FAM199X: variants seen among roughly 807,000 people sequenced by gnomAD.
The protein encoded by FAM199X is family with sequence similarity 199, X-linked.
In FAM199X, 4 loss-of-function variants were observed where a neutral mutation model predicts 22.9. That is an observed-to-expected ratio of 0.17 (90% CI 0.09 to 0.40). The LOEUF is 0.40. Among genes scored for constraint, FAM199X ranks in the 10% least tolerant of loss-of-function variants. The pLI is 1.00. For synonymous variants in FAM199X, 101 were observed against 112.3 expected (o/e 0.90, Z 0.64); for missense variants, 183 against 306.8 (o/e 0.60, Z 3.01).
At chrX:104,184,298 C>T (rs920199710) in intron 2 of FAM199X, among the ~76,000 whole-genome samples, 1 of 111,781 alleles carries the variant, frequency 8.9e-6, no homozygotes, top group East Asian at 2.8e-4. Flanking sequence ...TTTTGGTAAC[C>T]GCAGAAGCCT....
chrX:104,179,618 C>T (rs181318433), intron 2 of FAM199X, among the ~76,000 whole-genome samples: 121 of 111,124 alleles, frequency 1.1e-3, no homozygotes, highest in African/African-American at 3.8e-3. Context: ...TTCTTTTTTC[C>T]TAATCTGGAT....
chrX:104,170,093 T>G (rs1315190293), intron 1 of FAM199X, among the ~76,000 whole-genome samples: 1 of 112,639 alleles, frequency 8.9e-6, no homozygotes, highest in Non-Finnish European at 1.9e-5. Flanking sequence ...ATGTAGTGTT[T>G]AAGACATTTT....
At chrX:104,182,762 T>C (rs932291813) in intron 2 of FAM199X, among the ~76,000 whole-genome samples, 1 of 111,767 alleles carries the variant, frequency 8.9e-6, no homozygotes, top group Non-Finnish European at 1.9e-5. Context: ...TGAGGGATTG[T>C]GCTGCTTTTT....
chrX:104,186,117 C>G lies in FAM199X; in HGVS notation c.469C>G (p.Pro157Ala). 1 of 1,209,742 alleles carries G rather than the reference C, an allele frequency of 8.3e-7. No homozygotes were observed. The highest frequency in any genetic ancestry group is 1.1e-6 in the Non-Finnish European group (1 of 893,899). The change falls in exon 3 of 6, where the codon CCC becomes GCC. Residue 157 changes from proline to alanine, a missense_variant. Transcript: ENST00000493442. Reference protein sequence around the residue: ...SGSDVLSDVIPSIPSSPCLLP... With the variant: ...SGSDVLSDVIASIPSSPCLLP... ...GAGTGATGTACTTTCTGATGTCATA[C>G]CCAGTATTCCAAGTTCACCTTGCCT...
In FAM199X at chrX:104,188,075, A is replaced by G. The variant is rs1227928168; in HGVS notation, c.765A>G (p.Gln255=). Residue 255 remains glutamine (Q), a synonymous_variant, in exon 5 of 6, where the codon CAA becomes CAG. Transcript: ENST00000493442. The part of the protein sequence containing the change: ...RNYIKEHSPR[Q]RPAREAWKRS... ...ATATCAAGGAACATAGCCCTCGCCAACGGCCTGCAAGAGAGGCCTGGAAGA... is the reference window on the plus strand; with the variant it reads ...ATATCAAGGAACATAGCCCTCGCCAGCGGCCTGCAAGAGAGGCCTGGAAGA... 14 of 1,210,285 alleles carry G rather than the reference A, an allele frequency of 1.2e-5. No homozygotes were observed. Among genetic ancestry groups the G allele is most frequent in the Non-Finnish European group, 1.6e-5 (14 of 895,333 alleles).
chrX:104,168,737 C>T, intron 1 of FAM199X, among the ~76,000 whole-genome samples: 2 of 110,625 alleles, frequency 1.8e-5, no homozygotes, highest in Non-Finnish European at 3.8e-5. Context: ...TCCTCCTCCC[C>T]GTTTTTTCCT....
upstream of FAM199X, among the ~76,000 whole-genome samples, chrX:104,162,301 T>C (rs1921061093): frequency 8.9e-6 from 1 of 111,911 alleles, no homozygotes; most frequent in African/African-American, 3.3e-5. Flanking sequence ...CATGGCTGTT[T>C]GGCTCTCTAT....
rs1921999914 is a variant in FAM199X at position 104,193,957 on chromosome X, G to A, written c.*4179G>A. 1 of 111,574 alleles carries A rather than the reference G, an allele frequency of 9.0e-6. No homozygotes were observed. The highest frequency in any genetic ancestry group is 1.9e-5 in the Non-Finnish European group (1 of 52,934). 9.2% of individuals were successfully genotyped at this position (111,574 alleles called of 1,213,427 possible). ...TAAGTTACTTATTCCAGAAGCCTTA[G>A]AAGGAATTCTGAAAATTCTTCTAAC... On this transcript the variant is annotated 3_prime_UTR_variant, in exon 6 of 6. Transcript: ENST00000493442.
At chrX:104,172,360 A>G (rs2147890310) in intron 1 of FAM199X, among the ~76,000 whole-genome samples, 1 of 108,558 alleles carries the variant, frequency 9.2e-6, no homozygotes, top group African/African-American at 3.4e-5. Flanking sequence ...TCAAGCCTGC[A>G]GTGAGCCATG....
upstream of FAM199X, among the ~76,000 whole-genome samples, chrX:104,164,709 G>A (rs1175866157): frequency 9.1e-6 from 1 of 110,020 alleles, no homozygotes; most frequent in African/African-American, 3.3e-5. Flanking sequence ...GGCAAAACCC[G>A]TCTCTACTAA....
chrX:104,192,191 A>G lies in FAM199X; in HGVS notation c.*2413A>G, dbSNP rs1051658647. 9.0e-6 allele frequency: 1 copy of G among 111,603 alleles called. No homozygotes were observed. Among genetic ancestry groups the G allele is most frequent in the Admixed American group, 9.5e-5 (1 of 10,477 alleles). 9.2% of individuals were successfully genotyped at this position (111,603 alleles called of 1,213,427 possible). A position where few individuals can be genotyped will look rare whatever the true frequency, so the allele number is the denominator to read the frequency against. On this transcript the variant is annotated 3_prime_UTR_variant, in exon 6 of 6. Coordinates refer to ENST00000493442, the MANE Select transcript of FAM199X (RefSeq NM_207318.4). Reference sequence around the variant, plus strand: ...TTTGGTGTCTGTTCATGTGCTGTACATTTTTTCCGTTTTAATGTCTTGTGT... The same window carrying G: ...TTTGGTGTCTGTTCATGTGCTGTACGTTTTTTCCGTTTTAATGTCTTGTGT...
At chrX:104,167,023 C>T in intron 1 of FAM199X, 41 bp downstream of exon 1, 2 of 1,064,364 alleles carry the variant, frequency 1.9e-6, no homozygotes, top group Non-Finnish European at 2.5e-6. Context: ...TTTTCCACTT[C>T]TGGTCGCCCC....
chrX:104,174,584 A>G (rs1556376033), intron 1 of FAM199X, among the ~76,000 whole-genome samples: 1 of 111,788 alleles, frequency 8.9e-6, no homozygotes, highest in Non-Finnish European at 1.9e-5. Flanking sequence ...TAATATTAAA[A>G]AATTAGAAAC....
At chrX:104,182,235 C>A (rs1921677480) in intron 2 of FAM199X, among the ~76,000 whole-genome samples, 1 of 110,479 alleles carries the variant, frequency 9.1e-6, no homozygotes, top group Admixed American at 9.6e-5. Flanking sequence ...GATCTGTCCG[C>A]CTCGGCCTCC....
At chrX:104,182,635 T>C (rs924363840) in intron 2 of FAM199X, among the ~76,000 whole-genome samples, 2 of 111,436 alleles carry the variant, frequency 1.8e-5, no homozygotes, top group Non-Finnish European at 3.8e-5. Flanking sequence ...TTTTTTTCCA[T>C]CTATGACTTT....
At chrX:104,157,256 C>G in the FAM199X span, among the ~76,000 whole-genome samples, 5 of 112,128 alleles carry the variant, frequency 4.5e-5, no homozygotes, top group Non-Finnish European at 7.5e-5. Flanking sequence ...GCTTAACTTA[C>G]TTAGGTGAAC....
intron 4 of FAM199X, 113 bp from the exon 5 acceptor site, chrX:104,187,927 T>C: frequency 1.1e-6 from 1 of 931,192 alleles, no homozygotes; most frequent in African/African-American, 1.9e-5. Context: ...CGTATGCATC[T>C]GCAGCACTTT....
rs1442934409 is a variant in FAM199X at position 104,191,106 on chromosome X, C to A, written c.*1328C>A. On this transcript the variant is annotated 3_prime_UTR_variant, in exon 6 of 6. Coordinates refer to ENST00000493442, the MANE Select transcript of FAM199X (RefSeq NM_207318.4). ...TAGCATTTTGAAGGTGACCGTGATT[C>A]TGTAGGAAGAGCTGTAATCAATATT... 1 of 111,344 alleles carries A rather than the reference C, an allele frequency of 9.0e-6. No individual in the cohort carries two copies. Among genetic ancestry groups the A allele is most frequent in the African/African-American group, 3.3e-5 (1 of 30,687 alleles). The allele number at this position is 111,344 out of a possible 1,213,427, so 9.2% of individuals were successfully genotyped here.
intron 1 of FAM199X, among the ~76,000 whole-genome samples, chrX:104,168,458 A>G (rs1219703200): frequency 8.9e-6 from 1 of 112,739 alleles, no homozygotes; most frequent in Non-Finnish European, 1.9e-5. Context: ...TGAATGTAAC[A>G]TATTCATGAA....
Sources: gnomAD v4.1 joint callset for allele counts (sites outside exome capture counted in the v4.1 genomes callset) on GRCh38, gnomAD v4.1.1 for gene constraint, MANE v1.5 for transcripts, NCBI Gene and HGNC (gene_info 2026-07-23, HGNC 2026-07-21) for gene names.